The following ZNF451 variants were observed in gnomAD, a reference collection of about 807,000 sequenced individuals.
ZNF451 encodes zinc finger protein 451.
In ZNF451, 80 loss-of-function variants were observed where a neutral mutation model predicts 107.1. That is an observed-to-expected ratio of 0.75 (90% CI 0.62 to 0.90). The LOEUF (loss-of-function observed/expected upper bound fraction) is 0.90, where lower values mean the gene tolerates loss of function less well. ZNF451 is among the 40% of genes least tolerant of loss of function. The probability of loss-of-function intolerance (pLI) is 0.00; values close to 1 mark genes in which losing one functional copy is unlikely to be tolerated. For missense variants in ZNF451, 1,107 were observed against 1,236.2 expected (o/e 0.90, Z 1.57); for synonymous variants, 362 against 406.5 (o/e 0.89, Z 1.32).
intron 13 of ZNF451, among the ~76,000 whole-genome samples, chr6:57,156,563 T>G (rs530529209): frequency 6.6e-6 from 1 of 152,228 alleles, no homozygotes; most frequent in East Asian, 1.9e-4. Flanking sequence ...GTTTTTGGGG[T>G]GAAGGGGTCA....
intron 3 of ZNF451, among the ~76,000 whole-genome samples, chr6:57,100,223 A>G (rs62415880): frequency 0.071 from 10,758 of 152,170 alleles, 512 homozygotes; most frequent in East Asian, 0.096. Context: ...AGCTTCTTGC[A>G]TATCTTGAGT....
intron 3 of ZNF451, chr6:57,100,958 C>T (rs762868462): frequency 1.3e-6 from 2 of 1,551,044 alleles, no homozygotes; most frequent in Admixed American, 2.0e-5. Flanking sequence ...GGACGGGATG[C>T]CATCCTCTAT....
intron 3 of ZNF451, chr6:57,107,458 C>A (rs1829917518): frequency 1.0e-6 from 1 of 985,184 alleles, no homozygotes; most frequent in African/African-American, 1.7e-5. Flanking sequence ...GAACTTAAAT[C>A]AACTTTTAGT....
chr6:57,110,656 C>T (rs769115482), intron 3 of ZNF451, among the ~76,000 whole-genome samples: 4 of 152,132 alleles, frequency 2.6e-5, no homozygotes, highest in Non-Finnish European at 5.9e-5. Context: ...TTTTGACTTA[C>T]AGATCATTTC....
At chr6:57,139,556 T>A (rs1831648431) in intron 7 of ZNF451, among the ~76,000 whole-genome samples, 1 of 152,184 alleles carries the variant, frequency 6.6e-6, no homozygotes, top group Non-Finnish European at 1.5e-5. Flanking sequence ...CACAATACAA[T>A]GTTTGAGGCT....
chr6:57,125,841 A>G (rs1219663035), intron 4 of ZNF451, among the ~76,000 whole-genome samples: 1 of 152,070 alleles, frequency 6.6e-6, no homozygotes, highest in Non-Finnish European at 1.5e-5. Context: ...GCATATATAC[A>G]CACACACATA....
intron 14 of ZNF451, among the ~76,000 whole-genome samples, chr6:57,161,864 A>G (rs1382915256): frequency 1.3e-5 from 2 of 152,026 alleles, no homozygotes; most frequent in African/African-American, 4.8e-5. Flanking sequence ...CGCCCAGCTA[A>G]AAATTAAAAT....
chr6:57,134,601 A>G lies in ZNF451; in HGVS notation c.576-143A>G, dbSNP rs1477782747. 9 of 628,216 alleles carry G rather than the reference A, an allele frequency of 1.4e-5. No individual in the cohort carries two copies. In the Admixed American group the frequency reaches 1.8e-4, roughly 13 times the overall value. 38.9% of individuals were successfully genotyped at this position (628,216 alleles called of 1,614,324 possible). On this transcript the variant is annotated intron_variant, in intron 6 of 14. Coordinates refer to ENST00000370706, the MANE Select transcript of ZNF451 (RefSeq NM_001031623.3). ...ACCACTTGATATTTACTGTATATGA[A>G]GAACATTACTTAATATTTCAGTAGA...
intron 5 of ZNF451, among the ~76,000 whole-genome samples, chr6:57,131,149 T>C (rs16888332): frequency 0.013 from 2,017 of 152,322 alleles, 50 homozygotes; most frequent in African/African-American, 0.046. Context: ...TCAGCTGTTA[T>C]AATTCAGTTC....
chr6:57,103,666 T>A (rs763493431), intron 3 of ZNF451: 8 of 985,342 alleles, frequency 8.1e-6, no homozygotes, highest in Non-Finnish European at 9.6e-6. Context: ...ATTGACAGAC[T>A]TAATTCTGTA....
chr6:57,108,766 T>C (rs1380863675), intron 3 of ZNF451: 1 of 985,336 alleles, frequency 1.0e-6, no homozygotes, highest in Non-Finnish European at 1.2e-6. Context: ...GAAGAAAGAA[T>C]CTACATTTGT....
chr6:57,145,468 T>C (rs1272631536), intron 9 of ZNF451, among the ~76,000 whole-genome samples: 1 of 152,146 alleles, frequency 6.6e-6, no homozygotes, highest in Non-Finnish European at 1.5e-5. Context: ...TCCCACCTTT[T>C]GGAGTTTTCA....
intron 3 of ZNF451, chr6:57,108,390 A>G: frequency 4.1e-6 from 4 of 985,342 alleles, no homozygotes; most frequent in African/African-American, 1.7e-5. Flanking sequence ...CTTGATTTAT[A>G]AATGTAGTAA....
chr6:57,099,218 C>T (rs527722737), intron 3 of ZNF451, 77 bp downstream of exon 3: 2 of 1,164,242 alleles, frequency 1.7e-6, no homozygotes, highest in African/African-American at 3.0e-5. Context: ...GTTACCAAAT[C>T]AGGGAAGGCT....
At chr6:57,122,391 C>T (rs767629160) in intron 3 of ZNF451, among the ~76,000 whole-genome samples, 15 of 152,076 alleles carry the variant, frequency 9.9e-5, no homozygotes, top group Non-Finnish European at 1.5e-4. Context: ...CTTAATTAAA[C>T]GAAAGAGCTT....
chr6:57,108,624 C>T (rs1306431845), intron 3 of ZNF451: 4 of 985,254 alleles, frequency 4.1e-6, no homozygotes, highest in Non-Finnish European at 4.8e-6. Flanking sequence ...CATTTAGATT[C>T]TTGGGACAGA....
chr6:57,132,813 A>G (rs917044662), intron 5 of ZNF451, among the ~76,000 whole-genome samples: 16 of 151,070 alleles, frequency 1.1e-4, no homozygotes, highest in African/African-American at 3.9e-4. Flanking sequence ...GCCCATCTCA[A>G]AAAAAAAAGA....
chr6:57,145,774 G>A (rs1439991104), intron 9 of ZNF451, among the ~76,000 whole-genome samples: 1 of 152,090 alleles, frequency 6.6e-6, no homozygotes, highest in Non-Finnish European at 1.5e-5. Context: ...AAGTGTAGGT[G>A]TCTTTTTGAT....
At chr6:57,150,931 C>A (rs768100654) in intron 11 of ZNF451, 69 bp downstream of exon 11, 114 of 1,553,526 alleles carry the variant, frequency 7.3e-5, no homozygotes, top group Non-Finnish European at 9.2e-5. Flanking sequence ...GTTTAAAAGG[C>A]TCCTCTTAAA....
Sources: allele counts gnomAD v4.1 joint callset (sites outside exome capture counted in the v4.1 genomes callset), GRCh38; gene constraint gnomAD v4.1.1; transcripts MANE v1.5; gene names NCBI Gene and HGNC (gene_info 2026-07-23, HGNC 2026-07-21).